MCU: variants seen among roughly 807,000 people sequenced by gnomAD.
MCU encodes mitochondrial calcium uniporter.
MCU carries 12 observed loss-of-function variants against 45.2 expected under a neutral mutation model. The ratio of observed to expected loss-of-function variants is 0.27; its 90% CI spans 0.17 to 0.43. MCU has a LOEUF of 0.43. Among genes scored for constraint, MCU ranks in the 20% least tolerant of loss-of-function variants. The pLI is 1.00. For missense variants in MCU, 324 were observed against 436.7 expected (o/e 0.74, Z 2.30); for synonymous variants, 160 against 165.1 (o/e 0.97, Z 0.24).
intron 1 of MCU, among the ~76,000 whole-genome samples, chr10:72,714,719 T>C (rs1842937361): frequency 6.6e-6 from 1 of 152,010 alleles, no homozygotes; most frequent in Non-Finnish European, 1.5e-5. Context: ...AAATTTTGTA[T>C]TTTTAGTAGA....
chr10:72,715,633 C>G (rs1842947610), intron 1 of MCU, among the ~76,000 whole-genome samples: 1 of 152,090 alleles, frequency 6.6e-6, no homozygotes, highest in Admixed American at 6.5e-5. Flanking sequence ...CTAGGAAAGC[C>G]AATTACCTTG....
At chr10:72,871,287 A>G in intron 5 of MCU, 90 bp from the exon 6 acceptor site, 1 of 1,113,616 alleles carries the variant, frequency 9.0e-7, no homozygotes, top group Non-Finnish European at 1.4e-6. Context: ...CTTGATGATG[A>G]GCCCTGTTTC....
intron 1 of MCU, among the ~76,000 whole-genome samples, chr10:72,742,669 A>T (rs927067078): frequency 6.6e-6 from 1 of 152,246 alleles, no homozygotes; most frequent in Admixed American, 6.5e-5. Context: ...AAACTTTCAC[A>T]CATATAAGTG....
chr10:72,784,683 A>G (rs2132756383), intron 1 of MCU, among the ~76,000 whole-genome samples: 2 of 152,286 alleles, frequency 1.3e-5, no homozygotes, highest in Non-Finnish European at 2.9e-5. Flanking sequence ...CCTCATTTTC[A>G]GTGCAGGATG....
chr10:72,862,918 GAAAA>G (rs1225961949), intron 4 of MCU, among the ~76,000 whole-genome samples: 1 of 133,320 alleles, frequency 7.5e-6, no homozygotes, highest in Admixed American at 7.5e-5. Flanking sequence ...TAAAAAAAAA[GAAAA>G]AAAAAAAAGA....
rs566755098 is a variant in MCU, at chr10:72,869,977, A to G, written c.657+1114A>G. Among the ~76,000 whole-genome samples, 4 of 152,330 alleles carry G rather than the reference A, an allele frequency of 2.6e-5. No individual in the cohort carries two copies. In the East Asian group the frequency reaches 7.7e-4, roughly 29 times the overall value. On this transcript the variant is annotated intron_variant, in intron 5 of 7. Coordinates refer to ENST00000373053, the MANE Select transcript of MCU (RefSeq NM_138357.3). The stretch of plus-strand genomic sequence containing the variant: ...TTAAATGTGTTATATATATACCTAT[A>G]CGCATTTATATATATACATACACAG...
At chr10:72,770,274 G>A (rs1255617023) in intron 1 of MCU, among the ~76,000 whole-genome samples, 1 of 151,810 alleles carries the variant, frequency 6.6e-6, no homozygotes, top group African/African-American at 2.4e-5. Context: ...TTTGCATTAT[G>A]TGAATATTTT....
intron 5 of MCU, among the ~76,000 whole-genome samples, chr10:72,869,303 G>C (rs148088435): frequency 0.013 from 1,914 of 152,310 alleles, 20 homozygotes; most frequent in Non-Finnish European, 0.019. Context: ...AACATAACAA[G>C]GCTGGGCGTG....
chr10:72,798,185 A>G (rs1164391297), intron 1 of MCU, among the ~76,000 whole-genome samples: 1 of 152,238 alleles, frequency 6.6e-6, no homozygotes, highest in Non-Finnish European at 1.5e-5. Flanking sequence ...AAAACTGTAC[A>G]TAACACGTAA....
At chr10:72,859,881 TGAAAG>T (rs1845349803) in intron 3 of MCU, 1 of 152,286 alleles carries the variant, frequency 6.6e-6, no homozygotes, top group Non-Finnish European at 1.5e-5. Context: ...GCAGAAAACT[TGAAAG>T]GTAAGTACAA....
chr10:72,788,454 G>C (rs1490115814), intron 1 of MCU, among the ~76,000 whole-genome samples: 4 of 152,184 alleles, frequency 2.6e-5, no homozygotes, highest in Non-Finnish European at 5.9e-5. Context: ...ATGAGACCTT[G>C]TCTCTACAAA....
chr10:72,745,333 A>G (rs913406065), intron 1 of MCU, among the ~76,000 whole-genome samples: 2 of 151,950 alleles, frequency 1.3e-5, no homozygotes, highest in Non-Finnish European at 2.9e-5. Context: ...GGTTCAAGCT[A>G]TTATCGTGGC....
chr10:72,770,430 C>G (rs1843787702), intron 1 of MCU, among the ~76,000 whole-genome samples: 1 of 152,004 alleles, frequency 6.6e-6, no homozygotes, highest in Non-Finnish European at 1.5e-5. Context: ...TGTGAAATAT[C>G]AAAAAGTTGC....
chr10:72,776,622 G>A (rs1843898113), intron 1 of MCU, among the ~76,000 whole-genome samples: 1 of 152,154 alleles, frequency 6.6e-6, no homozygotes, highest in Non-Finnish European at 1.5e-5. Flanking sequence ...TATTGTATGG[G>A]GAGAAATTGA....
rs565900005 is a variant in MCU at position 72,767,437 on chromosome 10, A to G, written c.151-66922A>G. On this transcript the variant is annotated intron_variant, in intron 1 of 7. Coordinates refer to ENST00000373053, the MANE Select transcript of MCU (RefSeq NM_138357.3). ...AGAATGAAAATATTTTGATTTGACT[A>G]TATTTATGGTTTGTAATATCAAATA... Among the ~76,000 whole-genome samples, 7 of 152,266 alleles carry G rather than the reference A, an allele frequency of 4.6e-5. No individual in the cohort carries two copies. In the East Asian group the frequency reaches 5.8e-4, roughly 13 times the overall value.
intron 1 of MCU, among the ~76,000 whole-genome samples, chr10:72,747,213 C>T (rs1358699364): frequency 2.6e-5 from 4 of 152,156 alleles, no homozygotes; most frequent in Admixed American, 2.0e-4. Flanking sequence ...CTTCCAGAAT[C>T]CACTGTTGTG....
chr10:72,806,248 C>T (rs1028062421), intron 1 of MCU, among the ~76,000 whole-genome samples: 1 of 151,240 alleles, frequency 6.6e-6, no homozygotes, highest in East Asian at 1.9e-4. Context: ...ACCTCCGCCT[C>T]CTGGGTTCAA....
Position 72,820,804 on chromosome 10 carries a change from G to A in MCU, c.151-13555G>A, listed in dbSNP as rs549797242. ...TGGAATTACAGGCGTGAGCCACCAC[G>A]CCCGGCCTGGTTAGTATTTTTTAGT... On this transcript the variant is annotated intron_variant, in intron 1 of 7. Transcript: ENST00000373053. Among the ~76,000 whole-genome samples, 499 of 152,166 alleles carry A rather than the reference G, an allele frequency of 3.3e-3. 1 individual carries two copies. The highest frequency in any genetic ancestry group is 0.011 in the African/African-American group (477 of 41,520).
chr10:72,805,177 CTT>C (rs1491538688), intron 1 of MCU, among the ~76,000 whole-genome samples: 46 of 127,922 alleles, frequency 3.6e-4, no homozygotes, highest in Admixed American at 1.5e-3. Flanking sequence ...CTCTCTCTCT[CTT>C]TCCTTCCTTC....
Sources: allele counts gnomAD v4.1 joint callset (sites outside exome capture counted in the v4.1 genomes callset), GRCh38; gene constraint gnomAD v4.1.1; transcripts MANE v1.5; gene names NCBI Gene and HGNC (gene_info 2026-07-23, HGNC 2026-07-21).